The following RBM33 variants were observed in gnomAD, a reference collection of about 807,000 sequenced individuals.
The protein encoded by RBM33 is RNA binding motif protein 33.
A neutral mutation model predicts 132.6 loss-of-function variants in RBM33; 28 were observed. The observed-to-expected ratio is 0.21, with a 90% CI of 0.16 to 0.29. RBM33 has a LOEUF of 0.29. Ranked by LOEUF, RBM33 falls within the 10% of genes least tolerant of loss-of-function variation. The pLI, the probability that RBM33 is intolerant of heterozygous loss-of-function variation, is 1.00. For missense variants in RBM33, 1,291 were observed against 1,518.5 expected, an observed-to-expected ratio of 0.85 and a Z score of 2.49; for synonymous variants, 634 against 593.0, an observed-to-expected ratio of 1.07 and a Z score of -1.01.
intron 8 of RBM33, among the ~76,000 whole-genome samples, chr7:155,712,675 A>G (rs1800340715): frequency 6.6e-6 from 1 of 152,220 alleles, no homozygotes; most frequent in African/African-American, 2.4e-5. Context: ...AGTGATCAGC[A>G]AGTATAAGGG....
chr7:155,743,412 G>A (rs986813898), intron 13 of RBM33, among the ~76,000 whole-genome samples: 1 of 152,224 alleles, frequency 6.6e-6, no homozygotes, highest in South Asian at 2.1e-4. Flanking sequence ...CACATCTGGC[G>A]ATCACTTCCT....
chr7:155,664,542 G>T (rs2116890510), intron 1 of RBM33, among the ~76,000 whole-genome samples: 1 of 152,160 alleles, frequency 6.6e-6, no homozygotes, highest in African/African-American at 2.4e-5. Context: ...AAAGTGCTGG[G>T]ATTACAGGCA....
At position 155,775,130 on chromosome 7, in the gene RBM33, C is replaced by T. The variant is rs751519846; in HGVS notation, c.*89C>T. 8.7e-7 allele frequency: 1 copy of T among 1,150,264 alleles called. No homozygotes were observed. Among genetic ancestry groups the T allele is most frequent in the Non-Finnish European group, 1.3e-6 (1 of 758,246 alleles). The allele number at this position is 1,150,264 out of a possible 1,614,324, so 71.3% of individuals were successfully genotyped here. Reference sequence around the variant, plus strand: ...CCGGCCGGCGCAGAACCCCCAGGAGCACAGGTCTCTCCGGGCCGCTGTCCT... The same window carrying T: ...CCGGCCGGCGCAGAACCCCCAGGAGTACAGGTCTCTCCGGGCCGCTGTCCT... On this transcript the variant is annotated 3_prime_UTR_variant, in exon 18 of 18. Transcript: ENST00000401878.
intron 9 of RBM33, among the ~76,000 whole-genome samples, chr7:155,737,273 A>G (rs1475730462): frequency 3.4e-5 from 5 of 148,126 alleles, no homozygotes; most frequent in Admixed American, 1.3e-4. Context: ...TGTGATTACA[A>G]TACACTCTGT....
intron 14 of RBM33, among the ~76,000 whole-genome samples, chr7:155,760,887 C>T (rs968712004): frequency 2.6e-5 from 4 of 152,154 alleles, no homozygotes; most frequent in Admixed American, 6.5e-5. Context: ...ATTTTGCGAG[C>T]GGTCTGCCTT....
At position 155,737,791 on chromosome 7, in the gene RBM33, A is replaced by G. The variant is rs952024901; in HGVS notation, c.1393+129A>G. On this transcript the variant is annotated intron_variant, in intron 10 of 17. Transcript: ENST00000401878. ...GTTAGGAATGCCAGGTTTTTGTACC[A>G]TAGCAGTTCTGCCTGTCATTTCAGG... 2.7e-6 allele frequency: 3 copies of G among 1,097,716 alleles called. No individual in the cohort carries two copies. In the Admixed American group the frequency reaches 9.4e-5, roughly 35 times the overall value. 68.0% of individuals were successfully genotyped at this position (1,097,716 alleles called of 1,614,324 possible). A position where few individuals can be genotyped will look rare whatever the true frequency, so the allele number is the denominator to read the frequency against.
chr7:155,701,233 C>T (rs1799954059), intron 6 of RBM33: 1 of 487,624 alleles, frequency 2.1e-6, no homozygotes. Context: ...TGCTGTGGTT[C>T]CTGGCTGGTC....
intron 9 of RBM33, among the ~76,000 whole-genome samples, chr7:155,724,957 G>T (rs1800738183): frequency 6.6e-6 from 1 of 150,842 alleles, no homozygotes; most frequent in African/African-American, 2.4e-5. Context: ...CGGATGTTGT[G>T]ATTAGAGTTG....
intron 1 of RBM33, among the ~76,000 whole-genome samples, chr7:155,658,971 G>A (rs1328682692): frequency 6.6e-6 from 1 of 152,176 alleles, no homozygotes; most frequent in African/African-American, 2.4e-5. Flanking sequence ...GGCATTTAAG[G>A]AAATCTACCA....
chr7:155,764,068 G>T, intron 15 of RBM33, 50 bp downstream of exon 15: 4 of 1,411,512 alleles, frequency 2.8e-6, no homozygotes, highest in Non-Finnish European at 3.8e-6. Flanking sequence ...AGGCCGGTGT[G>T]AGGCAGTGTT....
At chr7:155,737,981 G>A in intron 10 of RBM33, 79 bp from the exon 11 acceptor site, 1 of 1,260,220 alleles carries the variant, frequency 7.9e-7, no homozygotes, top group Non-Finnish European at 1.1e-6. Context: ...GTCCACAGTA[G>A]GATAGTGCTT....
At chr7:155,687,321 G>A (rs1469421373) in intron 5 of RBM33, among the ~76,000 whole-genome samples, 1 of 152,094 alleles carries the variant, frequency 6.6e-6, no homozygotes, top group Non-Finnish European at 1.5e-5. Context: ...ACTTTTTGAT[G>A]GGGTTGTTTT....
At position 155,780,355 on chromosome 7, in the gene RBM33, G is replaced by A. The variant is rs966929766; in HGVS notation, c.*5314G>A. On this transcript the variant is annotated 3_prime_UTR_variant, in exon 18 of 18. Transcript: ENST00000401878. ...GATCCAGGATGGTGTCCTCTGTGAG[G>A]ACTTGAACTCTGGGGCTTTAATTCC... The A allele has an allele frequency of 6.6e-6, 1 of 152,188 alleles. No individual in the cohort carries two copies. The highest frequency in any genetic ancestry group is 1.5e-5 in the Non-Finnish European group (1 of 68,044). The allele number at this position is 152,188 out of a possible 1,614,324, so 9.4% of individuals were successfully genotyped here.
chr7:155,708,349 T>C (rs1800176282), intron 7 of RBM33, among the ~76,000 whole-genome samples: 1 of 152,202 alleles, frequency 6.6e-6, no homozygotes, highest in Non-Finnish European at 1.5e-5. Context: ...CCTTCGTTGC[T>C]CCCTGTCTCC....
At chr7:155,651,854 C>T (rs1798364674) in intron 1 of RBM33, among the ~76,000 whole-genome samples, 1 of 152,170 alleles carries the variant, frequency 6.6e-6, no homozygotes, top group South Asian at 2.1e-4. Context: ...ATGAGGACTA[C>T]ACTTCATAAA....
chr7:155,754,659 C>CT (rs1801790074), intron 14 of RBM33, among the ~76,000 whole-genome samples: 3 of 152,240 alleles, frequency 2.0e-5, no homozygotes, highest in Non-Finnish European at 4.4e-5. Context: ...GCTAATCTTG[C>CT]TTTTTAAAGA....
At chr7:155,673,940 G>GTTGTTTTTTGTTTTTGTTTTTTT in intron 3 of RBM33, among the ~76,000 whole-genome samples, 2 of 54,214 alleles carry the variant, frequency 3.7e-5, no homozygotes, top group East Asian at 6.7e-4. Flanking sequence ...TTTAGGCTTA[G>GTTGTTTTTTGTTTTTGTTTTTTT]TTTTTTTTTT....
chr7:155,766,482 C>T lies in RBM33; in HGVS notation c.3202C>T (p.Arg1068Ter). ...HPAKKAIMHG[R>*]GRGVAGPMGR... ...TTGTCACCAGGCCATCATGCACGGACGAGGCAGAGGAGTGGCCGGTCCCAT... is the reference window on the plus strand; with the variant it reads ...TTGTCACCAGGCCATCATGCACGGATGAGGCAGAGGAGTGGCCGGTCCCAT... Residue 1068 changes from arginine (R) to a stop codon, truncating the protein, a stop_gained, in exon 16 of 18, where the codon CGA becomes TGA. Transcript: ENST00000401878. LOFTEE classifies it high-confidence loss of function. The T allele has an allele frequency of 6.2e-7, 1 of 1,613,340 alleles. No individual in the cohort carries two copies. The highest frequency in any genetic ancestry group is 8.5e-7 in the Non-Finnish European group (1 of 1,179,760).
intron 1 of RBM33, among the ~76,000 whole-genome samples, chr7:155,660,766 A>G (rs1273004146): frequency 6.6e-6 from 1 of 152,200 alleles, no homozygotes; most frequent in Non-Finnish European, 1.5e-5. Flanking sequence ...CTGGATGTAT[A>G]GATAAATATT....
Sources: allele counts gnomAD v4.1 joint callset (sites outside exome capture counted in the v4.1 genomes callset), GRCh38; gene constraint gnomAD v4.1.1; transcripts MANE v1.5; gene names NCBI Gene and HGNC (gene_info 2026-07-23, HGNC 2026-07-21).